The following COL13A1 variants were observed in gnomAD, a reference collection of about 807,000 sequenced individuals.
The protein encoded by COL13A1 is collagen type XIII alpha 1 chain, also known as collagen alpha-1(XIII) chain.
A neutral mutation model predicts 130.9 loss-of-function variants in COL13A1; 89 were observed. That is an observed-to-expected ratio of 0.68 (90% CI 0.57 to 0.81). COL13A1 has a LOEUF of 0.81. Ranked by LOEUF, COL13A1 falls within the 30% of genes least tolerant of loss-of-function variation. The pLI is 0.00. For synonymous variants in COL13A1, 402 were observed against 341.6 expected, an observed-to-expected ratio of 1.18 and a Z score of -1.95; for missense variants, 879 against 934.6, an observed-to-expected ratio of 0.94 and a Z score of 0.78.
intron 2 of COL13A1, among the ~76,000 whole-genome samples, chr10:69,837,355 A>G (rs1014577158): frequency 2.0e-5 from 3 of 152,044 alleles, no homozygotes; most frequent in Non-Finnish European, 4.4e-5. Flanking sequence ...GCTCATTGGC[A>G]CTCAGAGGCA....
intron 1 of COL13A1, among the ~76,000 whole-genome samples, chr10:69,813,450 C>A (rs1040236157): frequency 6.6e-6 from 1 of 152,162 alleles, no homozygotes; most frequent in Non-Finnish European, 1.5e-5. Flanking sequence ...GAGCCTGGGG[C>A]CACATCTGTG....
chr10:69,939,668 C>A (rs1433147773), intron 34 of COL13A1, among the ~76,000 whole-genome samples: 1 of 152,222 alleles, frequency 6.6e-6, no homozygotes, highest in East Asian at 1.9e-4. Context: ...CCCCTGAGAG[C>A]TTTTCAAACT....
At chr10:69,909,070 G>GAAGT (rs557355659) in intron 17 of COL13A1, among the ~76,000 whole-genome samples, 201 of 152,268 alleles carry the variant, frequency 1.3e-3, no homozygotes, top group African/African-American at 4.7e-3. Flanking sequence ...CCAGCTCAGG[G>GAAGT]AAGTCATAGC....
chr10:69,893,804 C>T (rs564067791), intron 10 of COL13A1, among the ~76,000 whole-genome samples: 2 of 152,344 alleles, frequency 1.3e-5, no homozygotes, highest in Non-Finnish European at 1.5e-5. Flanking sequence ...ACAAGCATCT[C>T]CCTCACAGAC....
intron 1 of COL13A1, 106 bp from the exon 2 acceptor site, chr10:69,822,263 T>G: frequency 1.3e-6 from 1 of 766,784 alleles, no homozygotes; most frequent in Non-Finnish European, 2.0e-6. Flanking sequence ...GGAAGAGTTC[T>G]GCCGGTTTCC....
At chr10:69,878,229 C>T (rs1211252056) in intron 6 of COL13A1, among the ~76,000 whole-genome samples, 164 bp downstream of exon 6, 1 of 152,220 alleles carries the variant, frequency 6.6e-6, no homozygotes, top group Non-Finnish European at 1.5e-5. Context: ...TAACAGCTTC[C>T]ATAACATCGG....
chr10:69,814,131 A>G (rs1843793049), intron 1 of COL13A1, among the ~76,000 whole-genome samples: 1 of 152,232 alleles, frequency 6.6e-6, no homozygotes, highest in Non-Finnish European at 1.5e-5. Context: ...AGATGGGATC[A>G]AGTCCCTGCC....
chr10:69,881,699 T>C (rs138396856), intron 7 of COL13A1, among the ~76,000 whole-genome samples: 37 of 152,358 alleles, frequency 2.4e-4, no homozygotes, highest in South Asian at 1.7e-3. Flanking sequence ...CAAGGTTTTC[T>C]TCTGGGTTCA....
At position 69,927,127 on chromosome 10, in the gene COL13A1, C is replaced by T; in HGVS notation, c.1422+17C>T. 1 of 1,610,492 alleles carries T rather than the reference C, an allele frequency of 6.2e-7. No homozygotes were observed. The highest frequency in any genetic ancestry group is 8.5e-7 in the Non-Finnish European group (1 of 1,179,066). On this transcript the variant is annotated intron_variant, in intron 27 of 40. Transcript: ENST00000645393. ...GCCTTGATGGTAAGTTTTGCTCCTC[C>T]TGGCTTTCCTTGGGCACTGGACGGG...
At chr10:69,923,937 T>A (rs1268194484) in intron 24 of COL13A1, 82 bp downstream of exon 24, 4 of 1,532,530 alleles carry the variant, frequency 2.6e-6, no homozygotes, top group African/African-American at 2.7e-5. Flanking sequence ...ACCCTAGGGG[T>A]ATCCCTCAGG....
intron 14 of COL13A1, among the ~76,000 whole-genome samples, chr10:69,900,498 G>T (rs1348287975): frequency 1.3e-5 from 2 of 152,204 alleles, no homozygotes; most frequent in African/African-American, 4.8e-5. Context: ...AGAGAAAGAA[G>T]ACGAGGCACC....
intron 38 of COL13A1, among the ~76,000 whole-genome samples, chr10:69,949,690 G>A (rs1312489923): frequency 6.6e-6 from 1 of 152,170 alleles, no homozygotes; most frequent in Non-Finnish European, 1.5e-5. Context: ...TGTCACTAAG[G>A]GTGCTTCCCT....
chr10:69,818,068 C>T (rs1032745854), intron 1 of COL13A1, among the ~76,000 whole-genome samples: 1 of 152,166 alleles, frequency 6.6e-6, no homozygotes, highest in African/African-American at 2.4e-5. Flanking sequence ...CCACCTTTCC[C>T]ACCTGCCTTC....
chr10:69,926,359 G>A lies in COL13A1; in HGVS notation c.1398+487G>A, dbSNP rs151149994. On this transcript the variant is annotated intron_variant, in intron 26 of 40. Coordinates refer to ENST00000645393, the MANE Select transcript of COL13A1 (RefSeq NM_001368882.1). ...CCCAGCCTTGGCACTGACTTTTGGG[G>A]CTAGAGAATCTTTGTGGTGGGGGGA... Among the ~76,000 whole-genome samples the A allele has an allele frequency of 5.4e-3, 819 of 152,312 alleles. 10 individuals are homozygous for A. The highest frequency in any genetic ancestry group is 0.015 in the African/African-American group (616 of 41,554).
rs1405171936 is a variant in COL13A1, at chr10:69,904,875, C to T, written c.859-58C>T. ...GGGTCTACTGTAAGTATGGCTAGCC[C>T]CAACCAGCTCTACTCACCTTTTCTT... On this transcript the variant is annotated intron_variant, in intron 15 of 40. Transcript: ENST00000645393. 3 of 1,532,300 alleles carry T rather than the reference C, an allele frequency of 2.0e-6. No individual in the cohort carries two copies. In the African/African-American group the frequency reaches 4.2e-5, roughly 21 times the overall value. The allele number at this position is 1,532,300 out of a possible 1,614,324, so 94.9% of individuals were successfully genotyped here.
intron 17 of COL13A1, among the ~76,000 whole-genome samples, chr10:69,909,026 G>A (rs886473673): frequency 5.3e-5 from 8 of 152,170 alleles, no homozygotes; most frequent in African/African-American, 1.7e-4. Context: ...GTTTAGAGAA[G>A]TCTCTGTATC....
intron 16 of COL13A1, 21 bp downstream of exon 16, chr10:69,904,980 T>C: frequency 6.4e-7 from 1 of 1,562,638 alleles, no homozygotes; most frequent in South Asian, 1.2e-5. Context: ...TTCTGGGTGA[T>C]GTGTTGAACA....
intron 32 of COL13A1, among the ~76,000 whole-genome samples, chr10:69,936,042 A>AGGAGGGAG (rs1225568338): frequency 7.9e-6 from 1 of 125,868 alleles, no homozygotes; most frequent in Non-Finnish European, 1.7e-5. Context: ...AAAGAGAGGG[A>AGGAGGGAG]GGAGGGAGGG....
chr10:69,835,865 G>A (rs1011721318), intron 2 of COL13A1, among the ~76,000 whole-genome samples: 2 of 152,220 alleles, frequency 1.3e-5, no homozygotes, highest in Non-Finnish European at 2.9e-5. Flanking sequence ...CTTACTCTGC[G>A]CCTGGCACTG....
Sources: gnomAD v4.1 joint callset for allele counts (sites outside exome capture counted in the v4.1 genomes callset) on GRCh38, gnomAD v4.1.1 for gene constraint, MANE v1.5 for transcripts, NCBI Gene and HGNC (gene_info 2026-07-23, HGNC 2026-07-21) for gene names.